Variants in OLA1 observed in about 807,000 individuals in gnomAD.
OLA1 encodes the protein obg-like ATPase 1.
Under a neutral mutation model 48.4 loss-of-function variants are expected in OLA1, and 14 were observed. That is an observed-to-expected ratio of 0.29 (90% CI 0.19 to 0.45). The LOEUF (loss-of-function observed/expected upper bound fraction) is 0.45. Among genes scored for constraint, OLA1 ranks in the 20% least tolerant of loss-of-function variants. The pLI is 1.00. For missense variants in OLA1, 325 were observed against 467.1 expected, an observed-to-expected ratio of 0.70 and a Z score of 2.80; for synonymous variants, 127 against 150.4, an observed-to-expected ratio of 0.84 and a Z score of 1.14.
chr2:174,200,311 G>A (rs1559001484), intron 4 of OLA1, among the ~76,000 whole-genome samples: 2 of 152,074 alleles, frequency 1.3e-5, no homozygotes, highest in South Asian at 2.1e-4. Context: ...ATATATTTCT[G>A]TCTTTCCATA....
At chr2:174,200,304 T>C (rs1344776734) in intron 4 of OLA1, among the ~76,000 whole-genome samples, 1 of 152,152 alleles carries the variant, frequency 6.6e-6, no homozygotes, top group Non-Finnish European at 1.5e-5. Flanking sequence ...TTCCAAGATA[T>C]ATTTCTGTCT....
intron 5 of OLA1, among the ~76,000 whole-genome samples, chr2:174,128,331 T>C (rs1686092851): frequency 6.6e-6 from 1 of 151,572 alleles, no homozygotes; most frequent in Non-Finnish European, 1.5e-5. Flanking sequence ...TTGAGTCCAG[T>C]ATGAGGCTGC....
In OLA1 at chr2:174,142,114, T is replaced by C. The variant is rs572881407; in HGVS notation, c.374-114A>G. The C allele has an allele frequency of 4.7e-5, 43 of 919,894 alleles. No homozygotes were observed. The South Asian group carries it at 5.1e-4, about 11-fold the overall frequency. The allele number at this position is 919,894 out of a possible 1,614,324, so 57.0% of individuals were successfully genotyped here. A position where few individuals can be genotyped will look rare whatever the true frequency, so the allele number is the denominator to read the frequency against. ...AATAAATATAATAAATAAATTACTCTGGCTTCTTGGCAAGTAGGATATAGC... is the reference window on the plus strand; with the variant it reads ...AATAAATATAATAAATAAATTACTCCGGCTTCTTGGCAAGTAGGATATAGC... On this transcript the variant is annotated intron_variant, in intron 4 of 10. Coordinates refer to ENST00000284719, the MANE Select transcript of OLA1 (RefSeq NM_013341.5).
chr2:174,193,437 T>C (rs1287280817), intron 4 of OLA1, among the ~76,000 whole-genome samples: 1 of 152,172 alleles, frequency 6.6e-6, no homozygotes, highest in Non-Finnish European at 1.5e-5. Context: ...TGCTTTTTTT[T>C]CTTGCTTTTT....
intron 4 of OLA1, chr2:174,217,854 T>C (rs934344391): frequency 6.6e-6 from 1 of 152,212 alleles, no homozygotes. Context: ...ATAGAAAAAT[T>C]TTTAATGCTG....
At chr2:174,175,876 G>A (rs747961851) in intron 4 of OLA1, among the ~76,000 whole-genome samples, 9 of 151,826 alleles carry the variant, frequency 5.9e-5, no homozygotes, top group African/African-American at 9.7e-5. Context: ...AAGTATTAAC[G>A]TACACAATAT....
intron 4 of OLA1, among the ~76,000 whole-genome samples, chr2:174,144,943 A>ATATAT (rs1436750497): frequency 2.1e-3 from 143 of 69,710 alleles, no homozygotes; most frequent in Non-Finnish European, 2.7e-3. Context: ...AAAAAAAAAA[A>ATATAT]AAAAAAAAAT....
At chr2:174,103,908 C>A (rs964775410) in intron 7 of OLA1, among the ~76,000 whole-genome samples, 1 of 152,032 alleles carries the variant, frequency 6.6e-6, no homozygotes, top group Non-Finnish European at 1.5e-5. Flanking sequence ...GGCAGTCACA[C>A]AAGGTGTTTC....
At chr2:174,245,107 A>G (rs1689098578) in intron 2 of OLA1, among the ~76,000 whole-genome samples, 1 of 152,226 alleles carries the variant, frequency 6.6e-6, no homozygotes, top group Non-Finnish European at 1.5e-5. Context: ...AAGTATGTCA[A>G]TATCTCAAAA....
intron 7 of OLA1, among the ~76,000 whole-genome samples, chr2:174,098,634 G>A (rs1480317571): frequency 6.6e-6 from 1 of 152,076 alleles, no homozygotes; most frequent in Non-Finnish European, 1.5e-5. Flanking sequence ...CAGACAAGGG[G>A]GATACGGGCC....
intron 4 of OLA1, among the ~76,000 whole-genome samples, chr2:174,186,107 T>G (rs1687651248): frequency 6.6e-6 from 1 of 152,152 alleles, no homozygotes; most frequent in Non-Finnish European, 1.5e-5. Context: ...GCTCTAATAG[T>G]AGACTTCAAC....
intron 7 of OLA1, among the ~76,000 whole-genome samples, chr2:174,122,684 C>T (rs1459482157): frequency 6.6e-6 from 1 of 150,600 alleles, no homozygotes; most frequent in African/African-American, 2.4e-5. Flanking sequence ...GTTTTTACCT[C>T]GATGTACTTT....
chr2:174,139,609 G>A (rs1686391684), intron 5 of OLA1, among the ~76,000 whole-genome samples: 1 of 152,210 alleles, frequency 6.6e-6, no homozygotes, highest in South Asian at 2.1e-4. Context: ...GCTCACGCCT[G>A]TAATTCCAGC....
At chr2:174,235,838 C>T (rs1688835987) in intron 2 of OLA1, among the ~76,000 whole-genome samples, 1 of 152,182 alleles carries the variant, frequency 6.6e-6, no homozygotes, top group Admixed American at 6.5e-5. Context: ...AAAGAACCAC[C>T]CAAACAGAGT....
At chr2:174,193,607 C>T (rs531220476) in intron 4 of OLA1, among the ~76,000 whole-genome samples, 95 of 152,120 alleles carry the variant, frequency 6.2e-4, no homozygotes, top group Non-Finnish European at 1.0e-3. Context: ...AGGCACTGGG[C>T]TGGGTTTGAA....
intron 4 of OLA1, among the ~76,000 whole-genome samples, chr2:174,188,517 C>T (rs1687705217): frequency 1.3e-5 from 2 of 152,164 alleles, no homozygotes; most frequent in South Asian, 2.1e-4. Flanking sequence ...TGCTACTGTG[C>T]TGCTGAGTTA....
At chr2:174,095,306 C>T (rs911321896) in intron 7 of OLA1, among the ~76,000 whole-genome samples, 7 of 146,272 alleles carry the variant, frequency 4.8e-5, no homozygotes, top group African/African-American at 1.5e-4. Flanking sequence ...CACATCTTTG[C>T]CAGCACTTGT....
intron 4 of OLA1, among the ~76,000 whole-genome samples, chr2:174,185,614 A>G (rs2884471): frequency 0.53 from 80,879 of 151,988 alleles, 22,103 homozygotes; most frequent in East Asian, 0.94. Context: ...AAAGAATTAC[A>G]CAAACAAACT....
intron 4 of OLA1, among the ~76,000 whole-genome samples, chr2:174,193,634 C>T (rs948345678): frequency 6.6e-6 from 1 of 152,050 alleles, no homozygotes; most frequent in Non-Finnish European, 1.5e-5. Flanking sequence ...ACTATTGTTA[C>T]CCTGAGTATA....
Sources: gnomAD v4.1 joint callset for allele counts (sites outside exome capture counted in the v4.1 genomes callset) on GRCh38, gnomAD v4.1.1 for gene constraint, MANE v1.5 for transcripts, NCBI Gene and HGNC (gene_info 2026-07-23, HGNC 2026-07-21) for gene names.